Variants in SREBF2 observed in about 807,000 individuals in gnomAD.
SREBF2 encodes the protein sterol regulatory element binding transcription factor 2.
Under a neutral mutation model 113.1 loss-of-function variants are expected in SREBF2, and 55 were observed. That is an observed-to-expected ratio of 0.49 (90% CI 0.39 to 0.61). The LOEUF (loss-of-function observed/expected upper bound fraction) is 0.61, where lower values mean the gene tolerates loss of function less well. SREBF2 is among the 20% of genes least tolerant of loss of function. The probability of loss-of-function intolerance (pLI) is 0.00; values close to 1 mark genes in which losing one functional copy is unlikely to be tolerated. For synonymous variants in SREBF2, 593 were observed against 605.7 expected, an observed-to-expected ratio of 0.98 and a Z score of 0.31; for missense variants, 1,349 against 1,487.4, an observed-to-expected ratio of 0.91 and a Z score of 1.53.
chr22:41,880,459 C>A (rs1602322495), intron 9 of SREBF2, among the ~76,000 whole-genome samples: 1 of 148,756 alleles, frequency 6.7e-6, no homozygotes, highest in Non-Finnish European at 1.5e-5. Context: ...GCTCATAGAA[C>A]AAACGCACGC....
In SREBF2 at chr22:41,898,742, C is replaced by G. The variant is rs145680143; in HGVS notation, c.2699C>G (p.Thr900Ser). The change falls in exon 15 of 19, where the codon ACC (threonine) becomes AGC (serine). Residue 900 changes from threonine (T) to serine (S), a missense_variant. Transcript: ENST00000361204. ...GATGCAGCTGTGCGCTCTCATTTTA[C>G]CAAAGTGGAACGCATCCCCAAGGCC... ...GDDAAVRSHFTKVERIPKALE... is the reference protein window; with the variant it reads ...GDDAAVRSHFSKVERIPKALE... 65 of 1,614,022 alleles carry G rather than the reference C, an allele frequency of 4.0e-5. No individual in the cohort carries two copies. Among genetic ancestry groups the G allele is most frequent in the African/African-American group, 5.3e-5 (4 of 74,920 alleles).
intron 4 of SREBF2, 147 bp downstream of exon 4, chr22:41,871,182 A>G (rs558591547): frequency 9.5e-6 from 11 of 1,156,230 alleles, no homozygotes; most frequent in Non-Finnish European, 1.3e-5. Context: ...CACCCCTCTT[A>G]GTTGTTTTTC....
intron 15 of SREBF2, 100 bp downstream of exon 15, chr22:41,898,881 G>A: frequency 6.6e-7 from 1 of 1,515,578 alleles, no homozygotes; most frequent in Non-Finnish European, 9.0e-7. Flanking sequence ...TGGGGTGAAG[G>A]GTCAGGACTG....
chr22:41,895,205 T>C (rs1016255928), intron 13 of SREBF2, among the ~76,000 whole-genome samples: 2 of 149,324 alleles, frequency 1.3e-5, no homozygotes, highest in South Asian at 4.4e-4. Flanking sequence ...AGTGGCGCAA[T>C]CTTGGCACAC....
Position 41,893,298 on chromosome 22 carries a change from T to C in SREBF2, c.2377+13T>C, listed in dbSNP as rs754580493. 1 of 1,614,036 alleles carries C rather than the reference T, an allele frequency of 6.2e-7. No homozygotes were observed. The highest frequency in any genetic ancestry group is 8.5e-7 in the Non-Finnish European group (1 of 1,179,998). On this transcript the variant is annotated intron_variant, in intron 12 of 18. Coordinates refer to ENST00000361204, the MANE Select transcript of SREBF2 (RefSeq NM_004599.4). ...CAGAGGAACCCAGGTGAGAATACCT[T>C]GGAGCCATTCAGAATTGGAGAAAGC... is the stretch of plus-strand genomic sequence containing the variant.
chr22:41,863,871 T>C (rs1327769623), intron 1 of SREBF2, among the ~76,000 whole-genome samples: 2 of 152,058 alleles, frequency 1.3e-5, no homozygotes, highest in African/African-American at 4.8e-5. Flanking sequence ...ATTTATTTAT[T>C]TATCTATCTA....
chr22:41,877,827 T>A, intron 8 of SREBF2, 115 bp from the exon 9 acceptor site: 1 of 1,129,034 alleles, frequency 8.9e-7, no homozygotes, highest in South Asian at 1.2e-5. Flanking sequence ...TATTTGCCCT[T>A]TCTTCTGAAA....
intron 1 of SREBF2, among the ~76,000 whole-genome samples, chr22:41,849,996 C>T (rs937433572): frequency 5.3e-5 from 8 of 150,658 alleles, no homozygotes; most frequent in African/African-American, 9.8e-5. Flanking sequence ...AAAAATTAGC[C>T]GGGCGTAGTG....
chr22:41,857,068 A>G (rs1178219897), intron 1 of SREBF2, among the ~76,000 whole-genome samples: 1 of 147,556 alleles, frequency 6.8e-6, no homozygotes, highest in Non-Finnish European at 1.5e-5. Flanking sequence ...CTCTGTCTCA[A>G]AAAAAAAAAA....
intron 11 of SREBF2, among the ~76,000 whole-genome samples, chr22:41,888,508 C>T (rs1385777010): frequency 1.2e-4 from 19 of 152,280 alleles, no homozygotes; most frequent in East Asian, 1.9e-4. Flanking sequence ...CCAACCCTAA[C>T]GGCTGAGTTT....
Position 41,849,269 on chromosome 22 carries a change from G to C in SREBF2, c.88+15911G>C, listed in dbSNP as rs141616712. 7.2e-5 allele frequency among the ~76,000 whole-genome samples: 11 copies of C among 152,182 alleles called. No individual in the cohort carries two copies. In the East Asian group the frequency reaches 2.1e-3, roughly 29 times the overall value. The stretch of plus-strand genomic sequence containing the variant: ...GTGCAATGGCGCGATCTCAGCTACT[G>C]CAAACTCTGCCTTCCAGATTCAAGC... On this transcript the variant is annotated intron_variant, in intron 1 of 18. Coordinates refer to ENST00000361204, the MANE Select transcript of SREBF2 (RefSeq NM_004599.4).
intron 11 of SREBF2, among the ~76,000 whole-genome samples, chr22:41,888,005 C>T (rs2148405277): frequency 6.6e-6 from 1 of 152,306 alleles, no homozygotes; most frequent in East Asian, 1.9e-4. Context: ...TCTGTCGTCT[C>T]ATTGATTAGA....
chr22:41,840,778 C>T (rs1179090501), intron 1 of SREBF2, among the ~76,000 whole-genome samples: 2 of 152,262 alleles, frequency 1.3e-5, no homozygotes, highest in Non-Finnish European at 2.9e-5. Context: ...TGACAACGTG[C>T]CTTGATGTGA....
intron 11 of SREBF2, among the ~76,000 whole-genome samples, chr22:41,885,440 G>A (rs2077290784): frequency 1.3e-5 from 2 of 152,316 alleles, no homozygotes; most frequent in Middle Eastern, 3.4e-3. Context: ...TCACAGCACT[G>A]TGAATCCAGA....
rs1809844057 is a variant in SREBF2, at chr22:41,866,839, C to A, written c.97C>A (p.Gln33Lys). 1 of 1,614,222 alleles carries A rather than the reference C, an allele frequency of 6.2e-7. No individual in the cohort carries two copies. The highest frequency in any genetic ancestry group is 8.5e-7 in the Non-Finnish European group (1 of 1,180,038). The stretch of plus-strand genomic sequence containing the variant: ...TTTTCTTTTGTTCACAGAGATGCTG[C>A]AATTTGTCAGTAATCAAGTGGGAGA... The part of the protein sequence containing the change: ...LTLGDIDEML[Q>K]FVSNQVGEFP... The change falls in exon 2 of 19, where the codon CAA becomes AAA. Residue 33 changes from glutamine to lysine, a missense_variant. Physicochemically the swap from Gln to Lys is moderately conservative, Grantham distance 53. This residue lies in a region of SREBF2 where 699 missense variants were observed against 843.3 expected (regional missense o/e 0.83). Coordinates refer to ENST00000361204, the MANE Select transcript of SREBF2 (RefSeq NM_004599.4).
chr22:41,874,119 T>C, intron 5 of SREBF2, 100 bp downstream of exon 5: 1 of 1,213,510 alleles, frequency 8.2e-7, no homozygotes, highest in East Asian at 2.4e-5. Flanking sequence ...GGTAAGTGAA[T>C]ACAAGACCGA....
chr22:41,865,545 C>A (rs2077067032), intron 1 of SREBF2, among the ~76,000 whole-genome samples: 2 of 152,086 alleles, frequency 1.3e-5, no homozygotes, highest in African/African-American at 4.8e-5. Flanking sequence ...GAAGATTGAC[C>A]AGGGAAGAGG....
chr22:41,844,600 C>T (rs1369898481), intron 1 of SREBF2, among the ~76,000 whole-genome samples: 1 of 152,170 alleles, frequency 6.6e-6, no homozygotes, highest in Non-Finnish European at 1.5e-5. Flanking sequence ...TAGAAAATTT[C>T]TGCATATCTC....
intron 1 of SREBF2, among the ~76,000 whole-genome samples, chr22:41,864,275 C>T (rs1332974286): frequency 2.3e-5 from 3 of 132,926 alleles, no homozygotes; most frequent in East Asian, 4.5e-4. Flanking sequence ...CACACACACA[C>T]ACACACACAA....
Sources: allele counts gnomAD v4.1 joint callset (sites outside exome capture counted in the v4.1 genomes callset), GRCh38; gene constraint gnomAD v4.1.1; regional missense constraint gnomAD v4.1.1; transcripts MANE v1.5; gene names NCBI Gene and HGNC (gene_info 2026-07-23, HGNC 2026-07-21).